SPAG16: variants seen among roughly 807,000 people sequenced by gnomAD.
SPAG16 encodes sperm-associated antigen 16 protein.
SPAG16 carries 86 observed loss-of-function variants against 80.4 expected under a neutral mutation model. The observed-to-expected ratio is 1.07, with a 90% CI of 0.90 to 1.28. SPAG16 has a LOEUF of 1.28. Ranked by LOEUF, SPAG16 falls within the 50% of genes most tolerant of loss-of-function variation. The pLI is 0.00. For missense variants in SPAG16, 870 were observed against 765.3 expected, an observed-to-expected ratio of 1.14 and a Z score of -1.61; for synonymous variants, 294 against 265.9, an observed-to-expected ratio of 1.11 and a Z score of -1.03.
intron 15 of SPAG16, among the ~76,000 whole-genome samples, chr2:214,347,003 A>C (rs979680459): frequency 2.6e-5 from 4 of 152,348 alleles, no homozygotes; most frequent in Non-Finnish European, 4.4e-5. Context: ...ATGTTAACAG[A>C]ATTTGGTACC....
At chr2:214,354,096 T>C (rs1460419686) in intron 15 of SPAG16, among the ~76,000 whole-genome samples, 2 of 136,000 alleles carry the variant, frequency 1.5e-5, no homozygotes, top group East Asian at 4.2e-4. Flanking sequence ...TATATATATG[T>C]ACCCCATAAA....
At chr2:213,581,516 T>G (rs933358945) in intron 10 of SPAG16, among the ~76,000 whole-genome samples, 1 of 152,088 alleles carries the variant, frequency 6.6e-6, no homozygotes, top group East Asian at 1.9e-4. Context: ...CTCCCAGCCC[T>G]CTATTTAAAG....
chr2:214,252,409 T>C (rs979353200), intron 15 of SPAG16, among the ~76,000 whole-genome samples: 16 of 152,086 alleles, frequency 1.1e-4, no homozygotes, highest in African/African-American at 3.9e-4. Flanking sequence ...ACCCATCATC[T>C]ACATTAGGTA....
intron 10 of SPAG16, among the ~76,000 whole-genome samples, chr2:213,632,658 T>A (rs2062199243): frequency 6.6e-6 from 1 of 152,142 alleles, no homozygotes. Context: ...ATCTCCAGTT[T>A]TTTTAGTGTT....
intron 9 of SPAG16, among the ~76,000 whole-genome samples, chr2:213,452,943 G>T (rs1158158637): frequency 6.6e-6 from 1 of 152,164 alleles, no homozygotes; most frequent in Non-Finnish European, 1.5e-5. Context: ...TTAGAATTCA[G>T]TTTTCTTTTG....
rs149761859 is a variant in SPAG16 at position 214,065,984 on chromosome 2, T to A, written c.1528-42212T>A. Among the ~76,000 whole-genome samples, 230 of 152,300 alleles carry A rather than the reference T, an allele frequency of 1.5e-3. 2 individuals carry two copies. Among genetic ancestry groups the A allele is most frequent in the Non-Finnish European group, 2.6e-3 (175 of 68,028 alleles). The stretch of plus-strand genomic sequence containing the variant: ...CTTCATCTTTTTATTCTCTACCACT[T>A]TACTAGTGCAGATTATCATCTGTTC... On this transcript the variant is annotated intron_variant, in intron 13 of 15. Coordinates refer to ENST00000331683, the MANE Select transcript of SPAG16 (RefSeq NM_024532.5).
intron 15 of SPAG16, among the ~76,000 whole-genome samples, chr2:214,326,688 G>A (rs996092442): frequency 2.0e-5 from 3 of 152,098 alleles, no homozygotes; most frequent in African/African-American, 7.2e-5. Flanking sequence ...GCTCACGCCT[G>A]TAATCCTAGC....
At chr2:214,138,338 G>T (rs4384724) in intron 14 of SPAG16, among the ~76,000 whole-genome samples, 29,400 of 151,900 alleles carry the variant, frequency 0.19, 3,342 homozygotes, top group Middle Eastern at 0.27. Flanking sequence ...TATTTATTCA[G>T]GCCTATTTCA....
chr2:213,869,293 GTATA>G (rs147322023), intron 11 of SPAG16, among the ~76,000 whole-genome samples: 665 of 29,802 alleles, frequency 0.022, 43 homozygotes, highest in Non-Finnish European at 0.062. Context: ...ATATATATAT[GTATA>G]TATATATATA....
At chr2:213,770,580 A>G (rs2069188273) in intron 10 of SPAG16, among the ~76,000 whole-genome samples, 3 of 152,114 alleles carry the variant, frequency 2.0e-5, no homozygotes, top group Admixed American at 2.0e-4. Context: ...TAAGCCCCAT[A>G]TGCATTAACT....
chr2:214,336,971 A>G (rs1697337183), intron 15 of SPAG16, among the ~76,000 whole-genome samples: 1 of 94,182 alleles, frequency 1.1e-5, no homozygotes, highest in East Asian at 2.9e-4. Flanking sequence ...CACTTCTTCC[A>G]ATATAACTGA....
At chr2:213,413,414 A>ATG (rs2069093048) in intron 9 of SPAG16, among the ~76,000 whole-genome samples, 1 of 152,070 alleles carries the variant, frequency 6.6e-6, no homozygotes, top group Non-Finnish European at 1.5e-5. Context: ...ATATGTGTCT[A>ATG]TGTGTGTGTA....
At chr2:213,723,412 C>T (rs1001991543) in intron 10 of SPAG16, among the ~76,000 whole-genome samples, 2 of 152,172 alleles carry the variant, frequency 1.3e-5, no homozygotes, top group Non-Finnish European at 2.9e-5. Context: ...CCATGCTACG[C>T]CTTCTGTCTG....
Position 214,363,352 on chromosome 2 carries a change from C to G in SPAG16, c.1721-46788C>G, listed in dbSNP as rs969686438. ...CATTTCTGCCCTTCACTATTGAAAC[C>G]TGTTGACCGCTCCTTATTTCTTTAA... On this transcript the variant is annotated intron_variant, in intron 15 of 15. Transcript: ENST00000331683. Among the ~76,000 whole-genome samples the G allele has an allele frequency of 5.3e-5, 8 of 151,962 alleles. 1 individual carries two copies. Among genetic ancestry groups the G allele is most frequent in the African/African-American group, 1.9e-4 (8 of 41,436 alleles).
At chr2:213,601,892 A>G (rs952080535) in intron 10 of SPAG16, among the ~76,000 whole-genome samples, 1 of 152,190 alleles carries the variant, frequency 6.6e-6, no homozygotes, top group Non-Finnish European at 1.5e-5. Context: ...CAATTTTTCC[A>G]TGAACCAGGG....
intron 15 of SPAG16, among the ~76,000 whole-genome samples, chr2:214,195,146 G>C (rs943508936): frequency 4.6e-5 from 7 of 151,998 alleles, no homozygotes. Context: ...AGTCTGCCAG[G>C]AAAACAAATA....
intron 10 of SPAG16, among the ~76,000 whole-genome samples, chr2:213,680,055 G>A (rs550408263): frequency 3.3e-5 from 5 of 152,042 alleles, no homozygotes; most frequent in Admixed American, 2.6e-4. Flanking sequence ...GCACACCACC[G>A]TGGGCCACAT....
chr2:213,582,182 A>T (rs2060319430), intron 10 of SPAG16, among the ~76,000 whole-genome samples: 1 of 152,164 alleles, frequency 6.6e-6, no homozygotes, highest in Non-Finnish European at 1.5e-5. Flanking sequence ...ACATGTGGTA[A>T]CTTTGATACT....
chr2:214,117,215 A>G (rs1034949431), intron 14 of SPAG16, among the ~76,000 whole-genome samples: 3 of 152,186 alleles, frequency 2.0e-5, no homozygotes, highest in Admixed American at 1.3e-4. Context: ...TAATGAATGA[A>G]ATAAAAGACA....
Sources: gnomAD v4.1 joint callset for allele counts (sites outside exome capture counted in the v4.1 genomes callset) on GRCh38, gnomAD v4.1.1 for gene constraint, MANE v1.5 for transcripts, NCBI Gene and HGNC (gene_info 2026-07-23, HGNC 2026-07-21) for gene names.